Variants in HGF observed in about 807,000 individuals in gnomAD.
HGF encodes the protein fibroblast-derived tumor cytotoxic factor.
HGF carries 39 observed loss-of-function variants against 111.6 expected under a neutral mutation model. The ratio of observed to expected loss-of-function variants is 0.35; its 90% CI spans 0.27 to 0.46. The LOEUF is 0.46. Among genes scored for constraint, HGF ranks in the 20% least tolerant of loss-of-function variants. The pLI is 1.00. For missense variants in HGF, 735 were observed against 910.5 expected (o/e 0.81, Z 2.48); for synonymous variants, 285 against 294.8 (o/e 0.97, Z 0.34).
At chr7:81,761,064 A>G (rs1030422872) in intron 2 of HGF, among the ~76,000 whole-genome samples, 13 of 152,122 alleles carry the variant, frequency 8.5e-5, no homozygotes, top group African/African-American at 3.1e-4. Context: ...AAAATCAGCA[A>G]TGAGGTGTCC....
At chr7:81,736,894 G>GGTGTGTGTGTGTGTGTGTGT (rs368271908) in intron 7 of HGF, among the ~76,000 whole-genome samples, 80 of 142,054 alleles carry the variant, frequency 5.6e-4, no homozygotes, top group African/African-American at 6.6e-4. Flanking sequence ...TGTGTAGAGG[G>GGTGTGTGTGTGTGTGTGTGT]GTGTGTGTGT....
chr7:81,741,810 T>C (rs1299018845), intron 7 of HGF, among the ~76,000 whole-genome samples: 1 of 151,714 alleles, frequency 6.6e-6, no homozygotes, highest in Non-Finnish European at 1.5e-5. Context: ...TGGTGGTGCA[T>C]GCCTGTAATC....
At chr7:81,731,407 A>T (rs1451729570) in intron 7 of HGF, among the ~76,000 whole-genome samples, 1 of 152,216 alleles carries the variant, frequency 6.6e-6, no homozygotes, top group Non-Finnish European at 1.5e-5. Context: ...TAAAGTGGTA[A>T]CTGAGAGCTG....
chr7:81,744,870 G>A, intron 6 of HGF, 130 bp downstream of exon 6: 1 of 1,024,520 alleles, frequency 9.8e-7, no homozygotes, highest in Non-Finnish European at 1.5e-6. Context: ...AACATTCTGG[G>A]AGTTCTAAAT....
intron 7 of HGF, chr7:81,742,601 AT>A (rs200430565): frequency 0.011 from 7,427 of 676,674 alleles, 61 homozygotes; most frequent in Non-Finnish European, 0.012. Context: ...TGAAAACATT[AT>A]GTAATATTGT....
In HGF at chr7:81,705,547, C is replaced by CA. The variant is rs1562870745; in HGVS notation, c.1865-13dup. ...ATCATAGTTGATCACTAGATTGATG[C>CA]AAAAAACATACAATAAGGTGAGAAA... On this transcript the variant is annotated splice_polypyrimidine_tract_variant and intron_variant, in intron 16 of 17. Transcript: ENST00000222390. The CA allele has an allele frequency of 4.3e-6, 7 of 1,610,948 alleles. No individual in the cohort carries two copies. Among genetic ancestry groups the CA allele is most frequent in the Middle Eastern group, 1.7e-4 (1 of 6,052 alleles).
intron 10 of HGF, among the ~76,000 whole-genome samples, chr7:81,717,878 A>T (rs1226239486): frequency 6.6e-6 from 1 of 152,166 alleles, no homozygotes; most frequent in East Asian, 1.9e-4. Flanking sequence ...AATTTTACTG[A>T]TCAGTTACAA....
Position 81,758,670 on chromosome 7 carries a change from T to G in HGF, c.367+22A>C, listed in dbSNP as rs1344000467. 3.1e-6 allele frequency: 4 copies of G among 1,287,418 alleles called. No individual in the cohort carries two copies. The Admixed American group carries it at 6.7e-5, about 22-fold the overall frequency. The allele number at this position is 1,287,418 out of a possible 1,614,324, so 79.7% of individuals were successfully genotyped here. On this transcript the variant is annotated intron_variant, in intron 3 of 17. Transcript: ENST00000222390. Reference sequence around the variant, plus strand: ...CATTATACTTTATTTCATTATGCAATATTTAGGGAGAAGTCAGTTACCTTT... The same window carrying G: ...CATTATACTTTATTTCATTATGCAAGATTTAGGGAGAAGTCAGTTACCTTT...
chr7:81,726,016 C>G lies in HGF; in HGVS notation c.1042G>C (p.Asp348His), dbSNP rs1371257841. ...DMTPENFKCKDLRENYCRNPD... is the reference protein window; with the variant it reads ...DMTPENFKCKHLRENYCRNPD... ...TTTCGGCAGTAATTTTCTCGTAGGTCCCTATTGAGAATAAGCATGTTAATG... is the reference window on the plus strand; with the variant it reads ...TTTCGGCAGTAATTTTCTCGTAGGTGCCTATTGAGAATAAGCATGTTAATG... The change falls in exon 9 of 18, where the codon GAC becomes CAC. Residue 348 changes from aspartate to histidine, a missense_variant and splice_region_variant. Around this residue, in one of 3 missense-constraint regions of HGF, gnomAD observed 553 missense variants for 685.6 expected, o/e 0.81. Transcript: ENST00000222390. The G allele has an allele frequency of 1.2e-6, 2 of 1,613,788 alleles. No homozygotes were observed. The highest frequency in any genetic ancestry group is 3.3e-5 in the Admixed American group (2 of 59,998).
intron 6 of HGF, among the ~76,000 whole-genome samples, chr7:81,744,059 A>G (rs1381857396): frequency 6.6e-6 from 1 of 152,186 alleles, no homozygotes; most frequent in African/African-American, 2.4e-5. Flanking sequence ...AAACGACAAG[A>G]CAAGCATTTA....
At chr7:81,745,203 T>G (rs1583978251) in intron 5 of HGF, 83 bp from the exon 6 acceptor site, 2 of 1,427,776 alleles carry the variant, frequency 1.4e-6, no homozygotes, top group East Asian at 2.3e-5. Context: ...GAACAGCACC[T>G]GTTTAGTAAA....
At chr7:81,755,134 G>A (rs1289691035) in intron 4 of HGF, 2 of 152,006 alleles carry the variant, frequency 1.3e-5, no homozygotes, top group African/African-American at 4.8e-5. Flanking sequence ...GGCCAATGAA[G>A]GATACAGATG....
intron 1 of HGF, 61 bp from the exon 2 acceptor site, chr7:81,762,933 T>C (rs971483310): frequency 8.1e-6 from 8 of 989,228 alleles, no homozygotes; most frequent in East Asian, 7.8e-5. Flanking sequence ...AAGGCTCATA[T>C]ATAAAAAAAA....
Position 81,725,908 on chromosome 7 carries a change from C to T in HGF, c.1150G>A (p.Asp384Asn), listed in dbSNP as rs745555932. Residue 384 changes from aspartate (D) to asparagine (N), a missense_variant, in exon 9 of 18, where the codon GAT becomes AAT. Asp to Asn is a conservative substitution (Grantham distance 23, BLOSUM62 1). This residue lies in a region of HGF where 553 missense variants were observed against 685.6 expected (regional missense o/e 0.81). Coordinates refer to ENST00000222390, the MANE Select transcript of HGF (RefSeq NM_000601.6). Reference protein sequence around the residue: ...VGYCSQIPNCDMSHGQDCYRG... With the variant: ...VGYCSQIPNCNMSHGQDCYRG... ...CTATTACCTTGTCCATGTGACATATCACAGTTTGGAATTTGGGAGCAGTAG... is the reference window on the plus strand; with the variant it reads ...CTATTACCTTGTCCATGTGACATATTACAGTTTGGAATTTGGGAGCAGTAG... The T allele has an allele frequency of 2.5e-6, 4 of 1,614,086 alleles. No individual in the cohort carries two copies. The highest frequency in any genetic ancestry group is 3.4e-6 in the Non-Finnish European group (4 of 1,179,984).
chr7:81,712,310 T>C (rs1789593551), intron 11 of HGF, among the ~76,000 whole-genome samples: 1 of 152,216 alleles, frequency 6.6e-6, no homozygotes, highest in Non-Finnish European at 1.5e-5. Context: ...CTTTTAGTTT[T>C]ATATGGTTAA....
intron 4 of HGF, among the ~76,000 whole-genome samples, chr7:81,753,689 C>A (rs1279852623): frequency 1.3e-5 from 2 of 151,960 alleles, no homozygotes; most frequent in Non-Finnish European, 2.9e-5. Flanking sequence ...TTATTACTAA[C>A]TAAACATTTT....
intron 10 of HGF, 32 bp from the exon 11 acceptor site, chr7:81,717,397 G>T (rs1789741809): frequency 1.2e-6 from 2 of 1,602,876 alleles, no homozygotes; most frequent in African/African-American, 2.7e-5. Context: ...CACATCACAA[G>T]ATGCTCATTC....
chr7:81,706,579 G>T, intron 14 of HGF, 152 bp from the exon 15 acceptor site: 1 of 645,916 alleles, frequency 1.5e-6, no homozygotes, highest in Non-Finnish European at 2.7e-6. Context: ...CATTTGTTAT[G>T]GCAGATTCTG....
At chr7:81,716,993 G>A (rs1789729581) in intron 11 of HGF, among the ~76,000 whole-genome samples, 1 of 152,118 alleles carries the variant, frequency 6.6e-6, no homozygotes, top group Non-Finnish European at 1.5e-5. Context: ...TCTTCTGAGG[G>A]AAGAGAATCT....
Sources: allele counts gnomAD v4.1 joint callset (sites outside exome capture counted in the v4.1 genomes callset), GRCh38; gene constraint gnomAD v4.1.1; regional missense constraint gnomAD v4.1.1; transcripts MANE v1.5; gene names NCBI Gene and HGNC (gene_info 2026-07-23, HGNC 2026-07-21).